PPP2R2B: variants seen among roughly 807,000 people sequenced by gnomAD.
PPP2R2B encodes the protein protein phosphatase 2 regulatory subunit Bbeta.
PPP2R2B carries 5 observed loss-of-function variants against 46.0 expected under a neutral mutation model. The observed-to-expected ratio is 0.11, with a 90% CI of 0.06 to 0.23. The LOEUF (loss-of-function observed/expected upper bound fraction) is 0.23. PPP2R2B is among the 10% of genes least tolerant of loss of function. PPP2R2B has a pLI of 1.00. For synonymous variants in PPP2R2B, 215 were observed against 206.7 expected, an observed-to-expected ratio of 1.04 and a Z score of -0.34; for missense variants, 367 against 575.0, an observed-to-expected ratio of 0.64 and a Z score of 3.70.
At chr5:147,045,832 C>A (rs1756519028) in intron 1 of PPP2R2B, among the ~76,000 whole-genome samples, 1 of 152,064 alleles carries the variant, frequency 6.6e-6, no homozygotes, top group Admixed American at 6.6e-5. Context: ...CTTGCTTTCA[C>A]CATGACCCTC....
At chr5:146,866,438 G>C (rs1454311715) in intron 2 of PPP2R2B, among the ~76,000 whole-genome samples, 2 of 152,140 alleles carry the variant, frequency 1.3e-5, no homozygotes, top group Admixed American at 1.3e-4. Flanking sequence ...CATCAGCAAA[G>C]TAGAAATCTA....
intron 1 of PPP2R2B, chr5:146,919,307 G>A (rs1232541528): frequency 2.0e-5 from 3 of 152,162 alleles, no homozygotes; most frequent in Admixed American, 1.3e-4. Context: ...TCAGGGAGGT[G>A]ATCTTTTTCC....
intron 2 of PPP2R2B, among the ~76,000 whole-genome samples, chr5:146,836,236 A>G (rs1759275676): frequency 2.0e-5 from 3 of 152,038 alleles, no homozygotes; most frequent in Admixed American, 2.0e-4. Context: ...TGTTTGAAAA[A>G]AATTCTACCT....
intron 1 of PPP2R2B, among the ~76,000 whole-genome samples, chr5:146,895,250 T>G (rs924137028): frequency 8.5e-5 from 13 of 152,198 alleles, no homozygotes; most frequent in African/African-American, 3.1e-4. Flanking sequence ...CATTTCAGAT[T>G]AGTCATCTTT....
intron 1 of PPP2R2B, among the ~76,000 whole-genome samples, chr5:146,927,142 T>C (rs141218637): frequency 8.5e-5 from 13 of 152,288 alleles, no homozygotes; most frequent in African/African-American, 2.9e-4. Context: ...TGTCCCATGA[T>C]TTTTAAAAAA....
intron 1 of PPP2R2B, among the ~76,000 whole-genome samples, chr5:146,964,166 T>G (rs902848028): frequency 7.9e-5 from 12 of 152,164 alleles, no homozygotes; most frequent in African/African-American, 2.9e-4. Context: ...AAACATGAGA[T>G]TCCACGGCTA....
In PPP2R2B at chr5:146,756,925, C is replaced by T. The variant is rs190321858; in HGVS notation, c.71-55783G>A. 4.6e-5 allele frequency among the ~76,000 whole-genome samples: 7 copies of T among 152,292 alleles called. No homozygotes were observed. The East Asian group carries it at 1.3e-3, about 29-fold the overall frequency. Reference sequence around the variant, plus strand: ...ATGTCAAATGTGGTTCCTCTCCTTGCAACACTTACATTCTGGTGGAGGAGG... The same window carrying T: ...ATGTCAAATGTGGTTCCTCTCCTTGTAACACTTACATTCTGGTGGAGGAGG... On this transcript the variant is annotated intron_variant, in intron 2 of 9. Transcript: ENST00000394411.
intron 1 of PPP2R2B, among the ~76,000 whole-genome samples, chr5:146,962,279 C>T (rs1247570149): frequency 1.3e-5 from 2 of 151,038 alleles, no homozygotes; most frequent in African/African-American, 4.9e-5. Flanking sequence ...TCCAATGTTT[C>T]CTTTCTCTTT....
intron 3 of PPP2R2B, among the ~76,000 whole-genome samples, chr5:146,700,094 G>A (rs1328442782): frequency 6.6e-6 from 1 of 152,114 alleles, no homozygotes; most frequent in African/African-American, 2.4e-5. Flanking sequence ...ACCTCTAAAT[G>A]AGGCTTTCCT....
chr5:146,657,547 C>T lies in PPP2R2B; in HGVS notation c.448-6823G>A, dbSNP rs140205206. 1.5e-3 allele frequency among the ~76,000 whole-genome samples: 232 copies of T among 152,220 alleles called. 1 individual carries two copies. Among genetic ancestry groups the T allele is most frequent in the African/African-American group, 5.4e-3 (223 of 41,538 alleles). On this transcript the variant is annotated intron_variant, in intron 5 of 9. Transcript: ENST00000394411. ...GTTATGGAAGGAGCATCCACATTCT[C>T]CTTCCTAAAATCAGATCTCAGGAGT...
chr5:146,994,317 G>A (rs79323749), intron 1 of PPP2R2B, among the ~76,000 whole-genome samples: 5,651 of 152,222 alleles, frequency 0.037, 237 homozygotes, highest in East Asian at 0.18. Flanking sequence ...GCTGAGTCAG[G>A]AGGGGACTCA....
intron 1 of PPP2R2B, among the ~76,000 whole-genome samples, chr5:146,989,038 C>A (rs905240538): frequency 1.3e-5 from 2 of 151,950 alleles, no homozygotes; most frequent in Middle Eastern, 3.4e-3. Flanking sequence ...TACAACTTAC[C>A]AAAATTGGAT....
At chr5:146,726,346 G>A (rs866253660) in intron 2 of PPP2R2B, among the ~76,000 whole-genome samples, 13 of 152,172 alleles carry the variant, frequency 8.5e-5, no homozygotes, top group Admixed American at 4.6e-4. Context: ...TGAGGACAAA[G>A]AGTGGAACAC....
intron 2 of PPP2R2B, among the ~76,000 whole-genome samples, chr5:146,825,498 G>A (rs768443165): frequency 5.9e-5 from 9 of 152,124 alleles, no homozygotes; most frequent in Non-Finnish European, 1.0e-4. Context: ...GCACTTGCTT[G>A]CATTTCTATC....
intron 5 of PPP2R2B, among the ~76,000 whole-genome samples, chr5:146,666,397 T>C (rs1192019544): frequency 6.6e-6 from 1 of 152,234 alleles, no homozygotes. Flanking sequence ...GCATTTCTTT[T>C]GTAAGAAAAG....
At chr5:146,909,963 T>G (rs1763122925) in intron 1 of PPP2R2B, among the ~76,000 whole-genome samples, 1 of 152,242 alleles carries the variant, frequency 6.6e-6, no homozygotes, top group Admixed American at 6.5e-5. Flanking sequence ...TAATTGCAGC[T>G]AGAAGATTTA....
intron 1 of PPP2R2B, among the ~76,000 whole-genome samples, chr5:146,966,535 T>C (rs1752420700): frequency 6.6e-6 from 1 of 152,172 alleles, no homozygotes; most frequent in African/African-American, 2.4e-5. Context: ...CCCTCAACAC[T>C]CTAATCCATC....
chr5:146,748,433 AT>A (rs993338680), intron 2 of PPP2R2B, among the ~76,000 whole-genome samples: 65 of 152,284 alleles, frequency 4.3e-4, no homozygotes, highest in African/African-American at 1.4e-3. Context: ...GATACAGACA[AT>A]TTCCATCACT....
chr5:146,782,491 C>T (rs1755590503), intron 2 of PPP2R2B, among the ~76,000 whole-genome samples: 1 of 152,086 alleles, frequency 6.6e-6, no homozygotes, highest in African/African-American at 2.4e-5. Context: ...AAGAGATGGC[C>T]CACATGAATT....
Sources: allele counts gnomAD v4.1 joint callset (sites outside exome capture counted in the v4.1 genomes callset), GRCh38; gene constraint gnomAD v4.1.1; transcripts MANE v1.5; gene names NCBI Gene and HGNC (gene_info 2026-07-23, HGNC 2026-07-21).